ZNF317: variants seen among roughly 807,000 people sequenced by gnomAD.
The protein encoded by ZNF317 is zinc finger protein 317, also known as KRAB-containing zinc finger protein 317.
In ZNF317, 17 loss-of-function variants were observed where a neutral mutation model predicts 23.4. The ratio of observed to expected loss-of-function variants is 0.73; its 90% CI spans 0.50 to 1.09. The LOEUF (loss-of-function observed/expected upper bound fraction) is 1.09. Among genes scored for constraint, ZNF317 ranks in the 50% least tolerant of loss-of-function variants. The pLI, the probability that ZNF317 is intolerant of heterozygous loss-of-function variation, is 0.00. For synonymous variants in ZNF317, 317 were observed against 314.9 expected, an observed-to-expected ratio of 1.01 and a Z score of -0.07; for missense variants, 679 against 796.7, an observed-to-expected ratio of 0.85 and a Z score of 1.78.
At position 9,160,733 on chromosome 19, in the gene ZNF317, C is replaced by T. The variant is rs142725932; in HGVS notation, c.1088C>T (p.Ala363Val). 6 of 1,610,136 alleles carry T rather than the reference C, an allele frequency of 3.7e-6. No individual in the cohort carries two copies. Among genetic ancestry groups the T allele is most frequent in the Admixed American group, 3.4e-5 (2 of 59,252 alleles). ...AATCACACGGGGGAGAAGCCCTACG[C>T]GTGCACGCAGTGCGGCAAAGCCTTC... The part of the protein sequence containing the change: ...VRNHTGEKPY[A>V]CTQCGKAFRW... The change falls in exon 7 of 7, where the codon GCG becomes GTG. Residue 363 changes from alanine (A) to valine (V), a missense_variant. Physicochemically the swap from Ala to Val is moderately conservative, Grantham distance 64. Transcript: ENST00000247956. This position sits in a 1 kb window ranked among gnomAD's most constrained non-coding sequence, Gnocchi z 6.8.
chr19:9,158,959 CTG>C, intron 6 of ZNF317, 51 bp downstream of exon 6: 1 of 1,291,462 alleles, frequency 7.7e-7, no homozygotes, highest in Non-Finnish European at 1.1e-6. Flanking sequence ...TCTGAGGAGA[CTG>C]GGGCAGCCTA....
chr19:9,146,981 A>G (rs1365850580), intron 1 of ZNF317, among the ~76,000 whole-genome samples: 1 of 152,156 alleles, frequency 6.6e-6, no homozygotes, highest in Non-Finnish European at 1.5e-5. Context: ...GAGGAGGCAG[A>G]TCTTCTAAAA....
Position 9,140,515 on chromosome 19 carries a change from G to C in ZNF317, c.-170G>C. On this transcript the variant is annotated 5_prime_UTR_variant, in exon 1 of 7. Coordinates refer to ENST00000247956, the MANE Select transcript of ZNF317 (RefSeq NM_020933.5). ...ACCCCTCGTGTCCCCACGCCAGACT[G>C]GACCTCCCGTATGAACTTCTCTTCG... 2.2e-6 allele frequency: 1 copy of C among 456,626 alleles called. No individual in the cohort carries two copies. 28.3% of individuals were successfully genotyped at this position (456,626 alleles called of 1,614,324 possible). A position where few individuals can be genotyped will look rare whatever the true frequency, so the allele number is the denominator to read the frequency against.
chr19:9,143,397 T>C (rs1196217255), intron 1 of ZNF317, among the ~76,000 whole-genome samples: 1 of 152,162 alleles, frequency 6.6e-6, no homozygotes, highest in African/African-American at 2.4e-5. Flanking sequence ...TTGGGATGTT[T>C]CTTTCCAGTT....
intron 1 of ZNF317, among the ~76,000 whole-genome samples, chr19:9,142,779 A>G (rs935247255): frequency 1.3e-4 from 20 of 151,704 alleles, no homozygotes; most frequent in Non-Finnish European, 2.6e-4. Flanking sequence ...TTGAATTTGT[A>G]TTGGTAAATA....
At chr19:9,141,624 G>T (rs956212973) in intron 1 of ZNF317, among the ~76,000 whole-genome samples, 1 of 152,072 alleles carries the variant, frequency 6.6e-6, no homozygotes. Flanking sequence ...GAATGTCATG[G>T]CTTAAATTCT....
At chr19:9,142,063 C>G (rs1486064920) in intron 1 of ZNF317, among the ~76,000 whole-genome samples, 1 of 152,168 alleles carries the variant, frequency 6.6e-6, no homozygotes, top group African/African-American at 2.4e-5. Context: ...GCCTTGGCCT[C>G]CCAAAGTGCT....
At chr19:9,153,379 T>G (rs2050753709) in intron 1 of ZNF317, among the ~76,000 whole-genome samples, 1 of 152,166 alleles carries the variant, frequency 6.6e-6, no homozygotes, top group Admixed American at 6.5e-5. Context: ...GTCAGGCTGG[T>G]CTCGAACTCT....
rs2050864053 is a variant in ZNF317, at chr19:9,162,055, TC to T, written c.*624del. The T allele has an allele frequency of 6.6e-6, 1 of 152,252 alleles. No homozygotes were observed. Among genetic ancestry groups the T allele is most frequent in the Admixed American group, 6.5e-5 (1 of 15,296 alleles). 9.4% of individuals were successfully genotyped at this position (152,252 alleles called of 1,614,324 possible). On this transcript the variant is annotated 3_prime_UTR_variant, in exon 7 of 7. Transcript: ENST00000247956. ...TGTGGCCAATGAAGTCTGAAATACT[TC>T]CTGTCATCTGCCCCTTTCCAGAAAA...
In ZNF317 at chr19:9,140,590, C is replaced by T. The variant is rs1484102751; in HGVS notation, c.-95C>T. The T allele has an allele frequency of 2.2e-6, 1 of 456,552 alleles. No homozygotes were observed. The highest frequency in any genetic ancestry group is 7.0e-5 in the East Asian group (1 of 14,380). The allele number at this position is 456,552 out of a possible 1,614,324, so 28.3% of individuals were successfully genotyped here. Reference sequence around the variant, plus strand: ...CCGCTCCCCCGATCCTATTCCCAGTCGTGTAAGCCCTGCTTTCCTTAACCC... The same window carrying T: ...CCGCTCCCCCGATCCTATTCCCAGTTGTGTAAGCCCTGCTTTCCTTAACCC... On this transcript the variant is annotated splice_region_variant and 5_prime_UTR_variant, in exon 1 of 7. Transcript: ENST00000247956.
intron 1 of ZNF317, among the ~76,000 whole-genome samples, chr19:9,147,873 A>G (rs188095239): frequency 6.6e-5 from 10 of 152,146 alleles, no homozygotes; most frequent in Admixed American, 1.3e-4. Flanking sequence ...GTAATTCCCA[A>G]TATTGGAGGT....
intron 3 of ZNF317, 46 bp from the exon 4 acceptor site, chr19:9,157,222 C>T (rs1346739887): frequency 8.7e-6 from 14 of 1,604,746 alleles, no homozygotes; most frequent in South Asian, 1.1e-5. Context: ...CCATGAACAT[C>T]GTTAGGCTGG....
At chr19:9,157,697 T>TA (rs2050800201) in intron 4 of ZNF317, 2 of 468,652 alleles carry the variant, frequency 4.3e-6, no homozygotes, top group Non-Finnish European at 3.0e-6. Context: ...TTTTTTTTTT[T>TA]TTTTTATTTT....
chr19:9,156,132 G>T, intron 2 of ZNF317, 91 bp downstream of exon 2: 1 of 1,520,144 alleles, frequency 6.6e-7, no homozygotes, highest in Non-Finnish European at 9.1e-7. Context: ...ACCATAGAGG[G>T]CTGCTGGGAG....
In ZNF317 at chr19:9,160,983, C is replaced by G; in HGVS notation, c.1338C>G (p.Tyr446Ter). 6.2e-7 allele frequency: 1 copy of G among 1,614,230 alleles called. No homozygotes were observed. The highest frequency in any genetic ancestry group is 8.5e-7 in the Non-Finnish European group (1 of 1,180,040). Reference sequence around the variant, plus strand: ...ACTCTCACACTGGAGAGAAACCATACGGGTGCGATCTCTGCGGGAAAGCTT... The same window carrying G: ...ACTCTCACACTGGAGAGAAACCATAGGGGTGCGATCTCTGCGGGAAAGCTT... ...HMNSHTGEKP[Y>*]GCDLCGKAFS... Residue 446 changes from tyrosine (Y) to a stop codon, truncating the protein, a stop_gained, in exon 7 of 7, where the codon TAC becomes TAG. Transcript: ENST00000247956. LOFTEE classifies it low-confidence loss of function (END_TRUNC). The surrounding 1 kb of genome is among the most constrained non-coding windows in gnomAD (Gnocchi z 6.8).
rs950511604 is a variant in ZNF317 at position 9,162,066 on chromosome 19, G to A, written c.*633G>A. On this transcript the variant is annotated 3_prime_UTR_variant, in exon 7 of 7. Coordinates refer to ENST00000247956, the MANE Select transcript of ZNF317 (RefSeq NM_020933.5). Reference sequence around the variant, plus strand: ...AAGTCTGAAATACTTCCTGTCATCTGCCCCTTTCCAGAAAAACTTGGCCGA... The same window carrying A: ...AAGTCTGAAATACTTCCTGTCATCTACCCCTTTCCAGAAAAACTTGGCCGA... 1 of 152,192 alleles carries A rather than the reference G, an allele frequency of 6.6e-6. No homozygotes were observed. The highest frequency in any genetic ancestry group is 1.5e-5 in the Non-Finnish European group (1 of 68,092). 9.4% of individuals were successfully genotyped at this position (152,192 alleles called of 1,614,324 possible).
intron 1 of ZNF317, among the ~76,000 whole-genome samples, chr19:9,143,935 T>C (rs2050658568): frequency 6.6e-6 from 1 of 151,518 alleles, no homozygotes; most frequent in Admixed American, 6.6e-5. Context: ...TTTTTTTTTT[T>C]TTTACTTGCC....
intron 3 of ZNF317, chr19:9,157,044 C>A (rs2050791486): frequency 6.2e-6 from 4 of 641,844 alleles, no homozygotes; most frequent in Non-Finnish European, 1.1e-5. Context: ...GGAGATTAGT[C>A]CCTTGTCAGG....
At position 9,158,363 on chromosome 19, in the gene ZNF317, C is replaced by CTTTTT. The variant is rs200591339; in HGVS notation, c.385+312_385+316dup. On this transcript the variant is annotated intron_variant, in intron 5 of 6. Coordinates refer to ENST00000247956, the MANE Select transcript of ZNF317 (RefSeq NM_020933.5). ...CTGAATTGCCTTAAATTTCTTTTTT[C>CTTTTT]TTTTTTTTTTTTTTTTTTTTTTTTT... is the stretch of plus-strand genomic sequence containing the variant. Among the ~76,000 whole-genome samples, 26 of 76,530 alleles carry CTTTTT rather than the reference C, an allele frequency of 3.4e-4. 4 individuals carry two copies. The highest frequency in any genetic ancestry group is 1.0e-3 in the African/African-American group (16 of 15,674). 50.2% of individuals were successfully genotyped at this position (76,530 alleles called of 152,430 possible). A position where few individuals can be genotyped will look rare whatever the true frequency, so the allele number is the denominator to read the frequency against.
Sources: gnomAD v4.1 joint callset for allele counts (sites outside exome capture counted in the v4.1 genomes callset) on GRCh38, gnomAD v4.1.1 for gene constraint, Gnocchi (gnomAD v3.1) non-coding constraint, MANE v1.5 for transcripts, NCBI Gene and HGNC (gene_info 2026-07-23, HGNC 2026-07-21) for gene names.